Variants in SGK3 observed in about 807,000 individuals in gnomAD.
SGK3 encodes serum/glucocorticoid regulated kinase family member 3, also known as serine/threonine-protein kinase Sgk3.
SGK3 carries 47 observed loss-of-function variants against 68.5 expected under a neutral mutation model. The ratio of observed to expected loss-of-function variants is 0.69; its 90% CI spans 0.54 to 0.87. The LOEUF is 0.87. Among genes scored for constraint, SGK3 ranks in the 40% least tolerant of loss-of-function variants. The pLI, the probability that SGK3 is intolerant of heterozygous loss-of-function variation, is 0.00. For missense variants in SGK3, 479 were observed against 575.5 expected (o/e 0.83, Z 1.72); for synonymous variants, 181 against 189.1 (o/e 0.96, Z 0.35).
intron 1 of SGK3, among the ~76,000 whole-genome samples, chr8:66,791,998 A>G (rs746241207): frequency 4.6e-5 from 7 of 152,146 alleles, no homozygotes; most frequent in South Asian, 2.1e-4. Flanking sequence ...GACCAATTAC[A>G]TGTCTGTATG....
intron 2 of SGK3, among the ~76,000 whole-genome samples, chr8:66,794,928 G>T (rs1807615626): frequency 6.6e-6 from 1 of 152,200 alleles, no homozygotes; most frequent in African/African-American, 2.4e-5. Context: ...ACTAACCTGT[G>T]ATCTCTTTGT....
intron 15 of SGK3, among the ~76,000 whole-genome samples, chr8:66,848,444 T>TTTC (rs1219684958): frequency 6.6e-6 from 1 of 152,208 alleles, no homozygotes; most frequent in Non-Finnish European, 1.5e-5. Flanking sequence ...CCAGATTCCT[T>TTTC]TTCTTCTTCT....
intron 16 of SGK3, 137 bp downstream of exon 16, chr8:66,851,057 G>A (rs1810262986): frequency 1.1e-6 from 1 of 917,252 alleles, no homozygotes; most frequent in African/African-American, 1.7e-5. Context: ...TGTCACTCAG[G>A]GTTGTCTAGT....
At chr8:66,713,434 C>T in intron 1 of SGK3, among the ~76,000 whole-genome samples, 1 of 152,252 alleles carries the variant, frequency 6.6e-6, no homozygotes, top group East Asian at 1.9e-4. Context: ...GGAATCATCT[C>T]TTGAAACTTA....
At chr8:66,765,352 T>C (rs539106946) in intron 1 of SGK3, among the ~76,000 whole-genome samples, 233 of 152,374 alleles carry the variant, frequency 1.5e-3, no homozygotes, top group Non-Finnish European at 1.8e-3. Context: ...CATTTGTATA[T>C]TTTCTTTGCA....
chr8:66,729,912 T>A (rs1805098121), intron 1 of SGK3, among the ~76,000 whole-genome samples: 1 of 152,036 alleles, frequency 6.6e-6, no homozygotes, highest in Non-Finnish European at 1.5e-5. Context: ...ACCCAGCTAA[T>A]TTTTTATATT....
intron 14 of SGK3, among the ~76,000 whole-genome samples, chr8:66,846,600 C>T (rs1019032284): frequency 1.3e-5 from 2 of 152,208 alleles, no homozygotes; most frequent in Non-Finnish European, 2.9e-5. Context: ...AGGCGTGAGC[C>T]ACCACGCCTG....
chr8:66,779,561 A>AATATATATAT (rs200618083), intron 1 of SGK3, among the ~76,000 whole-genome samples: 121 of 89,362 alleles, frequency 1.4e-3, no homozygotes, highest in Middle Eastern at 6.8e-3. Context: ...TATGTGTGTG[A>AATATATATAT]ATATATATAT....
At position 66,847,352 on chromosome 8, in the gene SGK3, T is replaced by C. The variant is rs1810074796; in HGVS notation, c.1230+4T>C. On this transcript the variant is annotated splice_donor_region_variant and intron_variant, in intron 15 of 16. Transcript: ENST00000521198. The stretch of plus-strand genomic sequence containing the variant: ...ACTTGGTGCCAAGGAAGACTTTGTA[T>C]GTAACAGCTTTTCTAGCTCCAGCTT... 12 of 1,610,208 alleles carry C rather than the reference T, an allele frequency of 7.5e-6. No individual in the cohort carries two copies. In the African/African-American group the frequency reaches 1.3e-4, roughly 18 times the overall value.
At chr8:66,722,785 T>C (rs1228723469) in intron 1 of SGK3, among the ~76,000 whole-genome samples, 9 of 152,110 alleles carry the variant, frequency 5.9e-5, no homozygotes. Context: ...AAGCATCTGC[T>C]TCTGGGGAGG....
intron 1 of SGK3, among the ~76,000 whole-genome samples, chr8:66,790,166 C>G (rs540591721): frequency 6.6e-6 from 1 of 152,202 alleles, no homozygotes; most frequent in Non-Finnish European, 1.5e-5. Context: ...GTGCTCTCCA[C>G]ACTCCCACTG....
chr8:66,782,070 G>A (rs375353230), intron 1 of SGK3, among the ~76,000 whole-genome samples: 51 of 152,294 alleles, frequency 3.3e-4, no homozygotes, highest in African/African-American at 1.2e-3. Flanking sequence ...TGAAACATTT[G>A]GGATGTATTT....
At chr8:66,840,360 T>C (rs1481749184) in intron 12 of SGK3, 113 bp downstream of exon 12, 1 of 1,079,310 alleles carries the variant, frequency 9.3e-7, no homozygotes, top group African/African-American at 1.6e-5. Context: ...TTATATAACA[T>C]TCTCAAAATG....
chr8:66,826,350 A>G (rs1033051234), intron 6 of SGK3, among the ~76,000 whole-genome samples: 1 of 152,238 alleles, frequency 6.6e-6, no homozygotes, highest in African/African-American at 2.4e-5. Flanking sequence ...GAAGAAGTGT[A>G]TTGAAATTAC....
intron 15 of SGK3, among the ~76,000 whole-genome samples, chr8:66,850,333 C>T (rs1585813322): frequency 6.6e-6 from 1 of 152,154 alleles, no homozygotes; most frequent in Admixed American, 6.6e-5. Flanking sequence ...AATACTGTGC[C>T]ATTGTTTGGT....
At chr8:66,759,438 CTT>C (rs367752606) in intron 1 of SGK3, among the ~76,000 whole-genome samples, 6 of 143,732 alleles carry the variant, frequency 4.2e-5, no homozygotes, top group Admixed American at 1.4e-4. Context: ...TTCTGTCTCT[CTT>C]TTTTTTTTTG....
At chr8:66,716,073 CAACTT>C (rs762354279) in intron 1 of SGK3, among the ~76,000 whole-genome samples, 46 of 152,218 alleles carry the variant, frequency 3.0e-4, no homozygotes, top group Non-Finnish European at 6.0e-4. Flanking sequence ...TCATGAAACT[CAACTT>C]ATGTAACATG....
chr8:66,812,130 C>A (rs1808403707), intron 4 of SGK3, among the ~76,000 whole-genome samples: 1 of 152,096 alleles, frequency 6.6e-6, no homozygotes, highest in African/African-American at 2.4e-5. Flanking sequence ...ATACATTATA[C>A]CTTTATTCAG....
Position 66,804,390 on chromosome 8 carries a change from C to T in SGK3, c.196C>T (p.Pro66Ser). 6.2e-7 allele frequency: 1 copy of T among 1,609,412 alleles called. No homozygotes were observed. The highest frequency in any genetic ancestry group is 8.5e-7 in the Non-Finnish European group (1 of 1,178,778). The change falls in exon 4 of 17, where the codon CCT becomes TCT. Residue 66 changes from proline (P) to serine (S), a missense_variant. Pro to Ser is a moderately conservative substitution (Grantham distance 74). Around this residue, in one of 3 missense-constraint regions of SGK3, gnomAD observed 298 missense variants for 329.4 expected, o/e 0.90. Transcript: ENST00000521198. Reference protein sequence around the residue: ...KLYNTLKKQFPAMALKIPAKR... With the variant: ...KLYNTLKKQFSAMALKIPAKR... ...AAAATTTTAGTTAAAAAAACAGTTT[C>T]CTGCTATGGCCCTGAAGATTCCTGC...
Sources: allele counts gnomAD v4.1 joint callset (sites outside exome capture counted in the v4.1 genomes callset), GRCh38; gene constraint gnomAD v4.1.1; regional missense constraint gnomAD v4.1.1; transcripts MANE v1.5; gene names NCBI Gene and HGNC (gene_info 2026-07-23, HGNC 2026-07-21).